The following WWC1 variants were observed in gnomAD, a reference collection of about 807,000 sequenced individuals.
WWC1 encodes WW and C2 domain containing 1.
WWC1 carries 55 observed loss-of-function variants against 138.4 expected under a neutral mutation model. The observed-to-expected ratio is 0.40, with a 90% CI of 0.32 to 0.50. The LOEUF is 0.50. Among genes scored for constraint, WWC1 ranks in the 20% least tolerant of loss-of-function variants. The pLI, the probability that WWC1 is intolerant of heterozygous loss-of-function variation, is 0.72. For missense variants in WWC1, 1,226 were observed against 1,420.4 expected (o/e 0.86, Z 2.20); for synonymous variants, 524 against 564.9 (o/e 0.93, Z 1.03).
At chr5:168,467,174 C>T (rs1320743982) in intron 21 of WWC1, among the ~76,000 whole-genome samples, 4 of 152,152 alleles carry the variant, frequency 2.6e-5, no homozygotes, top group African/African-American at 7.2e-5. Context: ...AGGAGAATGG[C>T]GTGAACCCAG....
At chr5:168,356,157 C>T (rs1775396484) in intron 1 of WWC1, among the ~76,000 whole-genome samples, 1 of 152,242 alleles carries the variant, frequency 6.6e-6, no homozygotes, top group Non-Finnish European at 1.5e-5. Flanking sequence ...CTACCCAATT[C>T]ATGGCAGAAT....
chr5:168,374,057 A>G (rs935244250), intron 2 of WWC1, among the ~76,000 whole-genome samples: 1 of 148,772 alleles, frequency 6.7e-6, no homozygotes, highest in Admixed American at 6.8e-5. Flanking sequence ...AAAAAAAAAA[A>G]AAAAAAAGAG....
chr5:168,455,429 G>T lies in WWC1; in HGVS notation c.2732G>T (p.Gly911Val). 1 of 1,611,876 alleles carries T rather than the reference G, an allele frequency of 6.2e-7. No individual in the cohort carries two copies. The highest frequency in any genetic ancestry group is 2.2e-5 in the East Asian group (1 of 44,700). ...GTGCGACCTAAGGACCGGAGAGTGG[G>T]CACCCCGTCCCAGGGGCCATTTCTT... ...TVVRPKDRRV[G>V]TPSQGPFLRG... The change falls in exon 19 of 23, where the codon GGC becomes GTC. Residue 911 changes from glycine (G) to valine (V), a missense_variant. Gly to Val is a moderately radical substitution (Grantham distance 109). Transcript: ENST00000265293.
At chr5:168,349,684 C>G (rs1315890675) in intron 1 of WWC1, among the ~76,000 whole-genome samples, 1 of 152,156 alleles carries the variant, frequency 6.6e-6, no homozygotes, top group East Asian at 1.9e-4. Context: ...CTTTCTCCGT[C>G]ATTTGACTGG....
chr5:168,457,820 C>T (rs1192860408), intron 19 of WWC1, among the ~76,000 whole-genome samples: 1 of 152,264 alleles, frequency 6.6e-6, no homozygotes, highest in African/African-American at 2.4e-5. Context: ...ACTGCTGCCA[C>T]TGCCACTACT....
At chr5:168,459,835 A>G (rs1756646309) in intron 19 of WWC1, among the ~76,000 whole-genome samples, 1 of 152,016 alleles carries the variant, frequency 6.6e-6, no homozygotes, top group Non-Finnish European at 1.5e-5. Context: ...TCACAACCCC[A>G]CCGATTTTGG....
At chr5:168,452,795 T>A (rs942080394) in intron 17 of WWC1, among the ~76,000 whole-genome samples, 2 of 152,150 alleles carry the variant, frequency 1.3e-5, no homozygotes, top group African/African-American at 2.4e-5. Flanking sequence ...CTCTTCTTCC[T>A]CATCTTCCTC....
chr5:168,346,389 T>A (rs1774477026), intron 1 of WWC1, among the ~76,000 whole-genome samples: 1 of 152,070 alleles, frequency 6.6e-6, no homozygotes, highest in Admixed American at 6.5e-5. Context: ...TGCAGATGTA[T>A]TTCCTCCCCT....
chr5:168,430,765 G>T (rs1284297200), intron 14 of WWC1, among the ~76,000 whole-genome samples: 1 of 152,128 alleles, frequency 6.6e-6, no homozygotes, highest in East Asian at 1.9e-4. Context: ...ATCCTTTATT[G>T]CACTCATCTG....
intron 1 of WWC1, among the ~76,000 whole-genome samples, chr5:168,359,618 T>C (rs1230575818): frequency 6.6e-6 from 1 of 152,204 alleles, no homozygotes. Context: ...TATGTCCCAA[T>C]GTTTTTATGT....
At chr5:168,434,513 C>G (rs1357269426) in intron 15 of WWC1, among the ~76,000 whole-genome samples, 1 of 152,176 alleles carries the variant, frequency 6.6e-6, no homozygotes, top group Non-Finnish European at 1.5e-5. Flanking sequence ...TGCAGTATCT[C>G]ATTTAATCTT....
At chr5:168,327,489 C>T (rs975906676) in intron 1 of WWC1, among the ~76,000 whole-genome samples, 19 of 152,334 alleles carry the variant, frequency 1.2e-4, no homozygotes, top group African/African-American at 4.1e-4. Flanking sequence ...GCCCAATTGG[C>T]AAGTTGGAAG....
At position 168,291,772 on chromosome 5, in the gene WWC1, A is replaced by C. The variant is rs1769069108; in HGVS notation, c.-381A>C. On this transcript the variant is annotated 5_prime_UTR_variant, in exon 1 of 23. Transcript: ENST00000265293. ...CGGCACCCGGCTGCAGGGAGGAGGG[A>C]GGCGGCAGCGGCAGCGGCGGCGTGG... 6.5e-6 allele frequency: 1 copy of C among 153,022 alleles called. No individual in the cohort carries two copies. The highest frequency in any genetic ancestry group is 1.5e-5 in the Non-Finnish European group (1 of 68,636). 9.5% of individuals were successfully genotyped at this position (153,022 alleles called of 1,614,324 possible).
chr5:168,348,002 TG>T (rs1193001886), intron 1 of WWC1, among the ~76,000 whole-genome samples: 1 of 152,204 alleles, frequency 6.6e-6, no homozygotes, highest in Admixed American at 6.5e-5. Flanking sequence ...GAGATGGCAG[TG>T]TGACTATTAG....
At chr5:168,396,839 T>C (rs1222748835) in intron 3 of WWC1, among the ~76,000 whole-genome samples, 1 of 152,214 alleles carries the variant, frequency 6.6e-6, no homozygotes, top group African/African-American at 2.4e-5. Context: ...GAACCGTGGA[T>C]ATATACTGGA....
intron 4 of WWC1, among the ~76,000 whole-genome samples, chr5:168,398,270 AT>A (rs1779060007): frequency 6.6e-6 from 1 of 151,038 alleles, no homozygotes; most frequent in Middle Eastern, 3.4e-3. Flanking sequence ...CACCTGGCTA[AT>A]TTTTTGTATT....
At chr5:168,438,937 G>A (rs962817248) in intron 15 of WWC1, among the ~76,000 whole-genome samples, 1 of 152,080 alleles carries the variant, frequency 6.6e-6, no homozygotes, top group Non-Finnish European at 1.5e-5. Context: ...TGTATGGAAA[G>A]GTTTACTGAA....
chr5:168,421,699 C>T (rs1781098845), intron 9 of WWC1, among the ~76,000 whole-genome samples: 1 of 152,180 alleles, frequency 6.6e-6, no homozygotes, highest in Non-Finnish European at 1.5e-5. Context: ...AATTATACAA[C>T]TCTAAGGGCC....
chr5:168,406,848 A>T (rs1366511819), intron 6 of WWC1, among the ~76,000 whole-genome samples: 1 of 152,128 alleles, frequency 6.6e-6, no homozygotes, highest in Non-Finnish European at 1.5e-5. Flanking sequence ...AGGCTGAGGC[A>T]GGAGAATGGC....
Sources: gnomAD v4.1 joint callset for allele counts (sites outside exome capture counted in the v4.1 genomes callset) on GRCh38, gnomAD v4.1.1 for gene constraint, MANE v1.5 for transcripts, NCBI Gene and HGNC (gene_info 2026-07-23, HGNC 2026-07-21) for gene names.